Variants in ELFN2 observed in about 807,000 individuals in gnomAD.
The protein encoded by ELFN2 is extracellular leucine rich repeat and fibronectin type III domain containing 2, also known as protein phosphatase 1 regulatory subunit 29.
A neutral mutation model predicts 45.5 loss-of-function variants in ELFN2; 17 were observed. The ratio of observed to expected loss-of-function variants is 0.37; its 90% CI spans 0.26 to 0.56. ELFN2 has a LOEUF of 0.56. Among genes scored for constraint, ELFN2 ranks in the 20% least tolerant of loss-of-function variants. The probability of loss-of-function intolerance (pLI) is 0.77; values close to 1 mark genes in which losing one functional copy is unlikely to be tolerated. For missense variants in ELFN2, 922 were observed against 1,183.2 expected, an observed-to-expected ratio of 0.78 and a Z score of 3.24; for synonymous variants, 550 against 551.5, an observed-to-expected ratio of 1.00 and a Z score of 0.04.
chr22:37,396,948 T>C (rs1379247445), intron 2 of ELFN2, among the ~76,000 whole-genome samples: 3 of 152,138 alleles, frequency 2.0e-5, no homozygotes, highest in African/African-American at 7.2e-5. Flanking sequence ...CTCCTTTTTT[T>C]CCAGGCAGAG....
At chr22:37,410,210 G>A (rs1174695785) in intron 2 of ELFN2, among the ~76,000 whole-genome samples, 1 of 152,148 alleles carries the variant, frequency 6.6e-6, no homozygotes, top group Non-Finnish European at 1.5e-5. Context: ...CAGAGACAAA[G>A]AGACAGGGAG....
intron 1 of ELFN2, among the ~76,000 whole-genome samples, chr22:37,418,301 GGA>G (rs963568776): frequency 6.6e-6 from 1 of 152,008 alleles, no homozygotes; most frequent in Non-Finnish European, 1.5e-5. Context: ...TGATGAGGCA[GGA>G]GAGATGGAGG....
chr22:37,354,474 G>T (rs1032842541), intron 1 of ELFN2: 3 of 152,156 alleles, frequency 2.0e-5, no homozygotes, highest in African/African-American at 7.2e-5. Context: ...CATGACTTAG[G>T]TATGTGACCT....
chr22:37,386,014 C>A (rs1391553689), intron 2 of ELFN2, among the ~76,000 whole-genome samples: 1 of 152,200 alleles, frequency 6.6e-6, no homozygotes, highest in East Asian at 1.9e-4. Flanking sequence ...TGCGGCCCCA[C>A]TGGGGAGAGG....
chr22:37,423,975 A>G (rs1024358066), intron 1 of ELFN2, among the ~76,000 whole-genome samples: 6 of 152,210 alleles, frequency 3.9e-5, no homozygotes, highest in Admixed American at 3.9e-4. Context: ...CAGGAGGCAG[A>G]GGACTGGGTA....
chr22:37,416,794 G>A (rs1273300775), intron 2 of ELFN2, among the ~76,000 whole-genome samples: 3 of 149,136 alleles, frequency 2.0e-5, no homozygotes, highest in Admixed American at 6.7e-5. Context: ...CACCTCCTCC[G>A]TCCTCCGGGG....
chr22:37,386,741 C>T (rs1601754451), intron 2 of ELFN2, among the ~76,000 whole-genome samples: 1 of 152,214 alleles, frequency 6.6e-6, no homozygotes, highest in East Asian at 1.9e-4. Flanking sequence ...ACAGCCCAAA[C>T]GTGAGGCTAT....
intron 1 of ELFN2, among the ~76,000 whole-genome samples, chr22:37,351,005 TCTC>T (rs1433934228): frequency 6.7e-6 from 1 of 150,278 alleles, no homozygotes; most frequent in Non-Finnish European, 1.5e-5. Context: ...GTACATGGCT[TCTC>T]CTCTCCAGGC....
chr22:37,350,832 T>C (rs963843174), intron 1 of ELFN2, among the ~76,000 whole-genome samples: 4 of 149,004 alleles, frequency 2.7e-5, no homozygotes, highest in African/African-American at 9.8e-5. Context: ...CCAGGCAGTC[T>C]CCTTTCACCC....
intron 1 of ELFN2, chr22:37,353,047 T>A (rs1171606150): frequency 2.7e-5 from 4 of 150,792 alleles, no homozygotes; most frequent in African/African-American, 7.3e-5. Flanking sequence ...CTACTCAATG[T>A]GTCCTGCCCA....
chr22:37,414,497 T>C (rs1932729841), intron 2 of ELFN2, among the ~76,000 whole-genome samples: 2 of 152,166 alleles, frequency 1.3e-5, no homozygotes, highest in African/African-American at 4.8e-5. Flanking sequence ...GCTGTGAGCA[T>C]TATTACTCTA....
At chr22:37,353,709 T>A (rs970528182) in intron 1 of ELFN2, 1 of 150,858 alleles carries the variant, frequency 6.6e-6, no homozygotes, top group African/African-American at 2.4e-5. Flanking sequence ...ATCACAGTGA[T>A]TAGCAATTTA....
chr22:37,419,833 GCA>G (rs1932795482), intron 1 of ELFN2, among the ~76,000 whole-genome samples: 1 of 151,946 alleles, frequency 6.6e-6, no homozygotes, highest in Admixed American at 6.5e-5. Flanking sequence ...CACCCACCCG[GCA>G]CACACACCCC....
chr22:37,404,415 T>G, intron 2 of ELFN2, among the ~76,000 whole-genome samples: 1 of 149,086 alleles, frequency 6.7e-6, no homozygotes, highest in Non-Finnish European at 1.5e-5. Context: ...AAGGGGGGAG[T>G]TCAGGGATGC....
intron 1 of ELFN2, chr22:37,353,550 T>G (rs1269721306): frequency 6.6e-6 from 1 of 151,024 alleles, no homozygotes; most frequent in African/African-American, 2.4e-5. Context: ...ACAGGACTCT[T>G]AATTACAAAT....
intron 2 of ELFN2, among the ~76,000 whole-genome samples, chr22:37,403,334 A>T (rs1446734881): frequency 6.6e-6 from 1 of 151,962 alleles, no homozygotes; most frequent in Non-Finnish European, 1.5e-5. Context: ...TTCCCAATTT[A>T]GGAGGAGTCC....
intron 2 of ELFN2, among the ~76,000 whole-genome samples, chr22:37,388,156 T>C (rs1439377238): frequency 1.3e-5 from 2 of 152,032 alleles, no homozygotes; most frequent in Non-Finnish European, 2.9e-5. Context: ...AACCTGAGCA[T>C]GGCACTCCCT....
intron 1 of ELFN2, among the ~76,000 whole-genome samples, chr22:37,347,141 G>T (rs1488075965): frequency 6.6e-6 from 1 of 152,006 alleles, no homozygotes; most frequent in Non-Finnish European, 1.5e-5. Flanking sequence ...ATTACGCCCA[G>T]CTAATTTTGT....
chr22:37,426,851 C>A (rs1932855536), intron 1 of ELFN2: 1 of 151,798 alleles, frequency 6.6e-6, no homozygotes. Context: ...AGAAGGCATC[C>A]ACCCCGTCAA....
Sources: allele counts gnomAD v4.1 joint callset (sites outside exome capture counted in the v4.1 genomes callset), GRCh38; gene constraint gnomAD v4.1.1; transcripts MANE v1.5; gene names NCBI Gene and HGNC (gene_info 2026-07-23, HGNC 2026-07-21).